Variants in CCDC158 observed in about 807,000 individuals in gnomAD.
CCDC158 encodes the protein coiled-coil domain-containing protein 158.
A neutral mutation model predicts 138.6 loss-of-function variants in CCDC158; 116 were observed. That is an observed-to-expected ratio of 0.84 (90% CI 0.72 to 0.98). The LOEUF (loss-of-function observed/expected upper bound fraction) is 0.98. Ranked by LOEUF, CCDC158 falls within the 50% of genes least tolerant of loss-of-function variation. The probability of loss-of-function intolerance (pLI) is 0.00; values close to 1 mark genes in which losing one functional copy is unlikely to be tolerated. For missense variants in CCDC158, 1,265 were observed against 1,306.1 expected (o/e 0.97, Z 0.48); for synonymous variants, 436 against 442.4 (o/e 0.99, Z 0.18).
In CCDC158 at chr4:76,334,160, G is replaced by A. The variant is rs1194467719; in HGVS notation, c.2672C>T (p.Thr891Ile). ...STASFLSHHS[T>I]KANTLKEDPT... ...ATCTTCCTTCAGTGTGTTAGCTTTT[G>A]TAGAGTGCTGAGTTAAAACAATTTA... is the stretch of plus-strand genomic sequence containing the variant. Residue 891 changes from threonine to isoleucine, a missense_variant, in exon 19 of 25, where the codon ACA (threonine) becomes ATA (isoleucine). By Grantham distance (89) the Thr-to-Ile change is moderately conservative. Transcript: ENST00000682701. 1.2e-6 allele frequency: 2 copies of A among 1,602,886 alleles called. No homozygotes were observed. The highest frequency in any genetic ancestry group is 2.2e-5 in the East Asian group (1 of 44,722).
chr4:76,316,283 TG>T (rs967213147), intron 24 of CCDC158, among the ~76,000 whole-genome samples: 1 of 152,078 alleles, frequency 6.6e-6, no homozygotes, highest in African/African-American at 2.4e-5. Flanking sequence ...TTTCTGGAAA[TG>T]AAAGACACAC....
At chr4:76,421,538 C>T (rs1254813224), upstream of CCDC158, among the ~76,000 whole-genome samples, 2 of 152,056 alleles carry the variant, frequency 1.3e-5, no homozygotes, top group African/African-American at 2.4e-5. Context: ...GGGCCACTCT[C>T]GTAGCTGTCC....
chr4:76,399,623 G>A (rs969648156), intron 3 of CCDC158, among the ~76,000 whole-genome samples: 7 of 152,176 alleles, frequency 4.6e-5, no homozygotes, highest in Admixed American at 2.0e-4. Flanking sequence ...GTGAGAAAAC[G>A]TAGGTAGGGA....
chr4:76,370,270 A>T (rs1423783958), intron 10 of CCDC158, among the ~76,000 whole-genome samples: 3 of 152,240 alleles, frequency 2.0e-5, no homozygotes, highest in African/African-American at 4.8e-5. Context: ...AATAGCAGAC[A>T]GAATCTCACT....
intron 10 of CCDC158, 131 bp from the exon 11 acceptor site, chr4:76,369,754 T>G (rs1311441577): frequency 2.7e-6 from 2 of 744,764 alleles, no homozygotes; most frequent in African/African-American, 3.5e-5. Context: ...TGATTCCTTT[T>G]TAATGGCTTA....
intron 4 of CCDC158, among the ~76,000 whole-genome samples, chr4:76,386,519 C>T (rs1209651838): frequency 1.3e-5 from 1 of 77,030 alleles, no homozygotes; most frequent in Non-Finnish European, 2.9e-5. Flanking sequence ...ATGCTCAGGC[C>T]TGCTCCCACA....
intron 2 of CCDC158, among the ~76,000 whole-genome samples, chr4:76,406,367 G>A (rs2109882150): frequency 6.6e-6 from 1 of 152,326 alleles, no homozygotes; most frequent in Admixed American, 6.5e-5. Flanking sequence ...TGCAAACGCA[G>A]TAATAATGGG....
intron 19 of CCDC158, 78 bp downstream of exon 19, chr4:76,333,932 A>G (rs11944183): frequency 2.9e-5 from 30 of 1,051,972 alleles, no homozygotes; most frequent in African/African-American, 1.9e-4. Flanking sequence ...TCACCCTCCC[A>G]GAGAGTAACA....
At chr4:76,337,951 C>T (rs1318647169) in intron 18 of CCDC158, among the ~76,000 whole-genome samples, 2 of 152,154 alleles carry the variant, frequency 1.3e-5, no homozygotes, top group Admixed American at 1.3e-4. Flanking sequence ...AGGAATGGGG[C>T]CACACAGCAG....
At chr4:76,416,826 G>A (rs893841925) in intron 1 of CCDC158, among the ~76,000 whole-genome samples, 2 of 152,240 alleles carry the variant, frequency 1.3e-5, no homozygotes, top group Admixed American at 1.3e-4. Flanking sequence ...TTGCTGTAGG[G>A]ATGGGACCGT....
intron 24 of CCDC158, among the ~76,000 whole-genome samples, chr4:76,320,610 CA>C (rs1259104410): frequency 6.6e-6 from 1 of 152,112 alleles, no homozygotes; most frequent in East Asian, 1.9e-4. Context: ...ACCAATGGAA[CA>C]GAATAGAGAA....
chr4:76,375,357 C>T, intron 9 of CCDC158: 1 of 438,426 alleles, frequency 2.3e-6, no homozygotes, highest in Non-Finnish European at 4.0e-6. Flanking sequence ...TTTGGTTTGT[C>T]TGTTGGTGGT....
intron 12 of CCDC158, among the ~76,000 whole-genome samples, chr4:76,366,624 TAAACACACACAC>T (rs1405524821): frequency 2.4e-5 from 2 of 84,346 alleles, no homozygotes; most frequent in Non-Finnish European, 4.8e-5. Context: ...CACTGCTACA[TAAACACACACAC>T]AAACACACAC....
chr4:76,340,652 G>A (rs1184300428), intron 18 of CCDC158, among the ~76,000 whole-genome samples: 1 of 151,846 alleles, frequency 6.6e-6, no homozygotes, highest in Non-Finnish European at 1.5e-5. Flanking sequence ...CACCCTTCGG[G>A]TGTCACTGTC....
chr4:76,405,251 A>G (rs1265018116), intron 2 of CCDC158, among the ~76,000 whole-genome samples: 1 of 152,224 alleles, frequency 6.6e-6, no homozygotes, highest in Non-Finnish European at 1.5e-5. Flanking sequence ...ACTTTCAAGA[A>G]GGGAAAGAAA....
At chr4:76,415,758 A>G (rs1404715370) in intron 1 of CCDC158, among the ~76,000 whole-genome samples, 1 of 152,228 alleles carries the variant, frequency 6.6e-6, no homozygotes, top group Non-Finnish European at 1.5e-5. Context: ...GGACAGGGCC[A>G]CCAAAGGGCT....
intron 1 of CCDC158, among the ~76,000 whole-genome samples, chr4:76,420,039 A>G (rs917508090): frequency 6.6e-6 from 1 of 151,098 alleles, no homozygotes; most frequent in African/African-American, 2.4e-5. Context: ...TTGTTTTGGG[A>G]GTATAATATT....
At chr4:76,330,042 A>C (rs2110098142) in intron 21 of CCDC158, among the ~76,000 whole-genome samples, 1 of 152,242 alleles carries the variant, frequency 6.6e-6, no homozygotes, top group East Asian at 1.9e-4. Context: ...GAAGTATTAC[A>C]GTACTTTCAT....
intron 9 of CCDC158, among the ~76,000 whole-genome samples, chr4:76,376,053 C>A (rs868357397): frequency 1.3e-5 from 2 of 151,278 alleles, no homozygotes; most frequent in Non-Finnish European, 2.9e-5. Flanking sequence ...TCACACAAAT[C>A]TCACTTTTTT....
Sources: allele counts gnomAD v4.1 joint callset (sites outside exome capture counted in the v4.1 genomes callset), GRCh38; gene constraint gnomAD v4.1.1; transcripts MANE v1.5; gene names NCBI Gene and HGNC (gene_info 2026-07-23, HGNC 2026-07-21).